The following SKOR2 variants were observed in gnomAD, a reference collection of about 807,000 sequenced individuals.
SKOR2 encodes LBX1 corepressor 1-like protein.
Under a neutral mutation model 69.1 loss-of-function variants are expected in SKOR2, and 47 were observed. The ratio of observed to expected loss-of-function variants is 0.68; its 90% CI spans 0.54 to 0.87. The LOEUF (loss-of-function observed/expected upper bound fraction) is 0.87. SKOR2 is among the 40% of genes least tolerant of loss of function. SKOR2 has a pLI of 0.00. For missense variants in SKOR2, 1,404 were observed against 1,472.2 expected (o/e 0.95, Z 0.76); for synonymous variants, 717 against 672.6 (o/e 1.07, Z -1.02).
intron 4 of SKOR2, among the ~76,000 whole-genome samples, chr18:47,236,938 A>C (rs2064226812): frequency 6.6e-6 from 1 of 152,192 alleles, no homozygotes; most frequent in Admixed American, 6.5e-5. Context: ...AGTGTTTTAC[A>C]ATATTAGTCT....
At chr18:47,237,450 C>G (rs2064228883) in intron 4 of SKOR2, among the ~76,000 whole-genome samples, 1 of 152,130 alleles carries the variant, frequency 6.6e-6, no homozygotes, top group African/African-American at 2.4e-5. Flanking sequence ...GGTCAGGTGA[C>G]CTGTTCCGTT....
chr18:47,221,378 C>G (rs2064160724), intron 6 of SKOR2, among the ~76,000 whole-genome samples: 1 of 152,146 alleles, frequency 6.6e-6, no homozygotes, highest in Non-Finnish European at 1.5e-5. Flanking sequence ...GCTGCTTGAG[C>G]AGACACGTGG....
At position 47,247,200 on chromosome 18, in the gene SKOR2, G is replaced by T. The variant is rs746722236; in HGVS notation, c.1984C>A (p.His662Asn). 3 of 1,393,898 alleles carry T rather than the reference G, an allele frequency of 2.2e-6. No individual in the cohort carries two copies. Among genetic ancestry groups the T allele is most frequent in the Non-Finnish European group, 2.8e-6 (3 of 1,075,096 alleles). 86.3% of individuals were successfully genotyped at this position (1,393,898 alleles called of 1,614,324 possible). The stretch of plus-strand genomic sequence containing the variant: ...GGGGGGTGGTGGTGGTGGTGGTGGT[G>T]GTGAGGGTGGTGATGGTGGTGGGGA... ...THPHHHHHPHHHHHHHHPPQP... is the reference protein window; with the variant it reads ...THPHHHHHPHNHHHHHHPPQP... Residue 662 changes from histidine (H) to asparagine (N), a missense_variant, in exon 2 of 9, where the codon CAC (histidine) becomes AAC (asparagine). Transcript: ENST00000425639. The surrounding 1 kb of genome is among the most constrained non-coding windows in gnomAD (Gnocchi z 6.6).
At chr18:47,230,591 T>G in intron 5 of SKOR2, 34 bp from the exon 6 acceptor site, 2 of 1,271,276 alleles carry the variant, frequency 1.6e-6, no homozygotes, top group Middle Eastern at 5.2e-4. Context: ...TTTACTAATC[T>G]TTACAAATAA....
chr18:47,224,459 G>A (rs2064171942), intron 6 of SKOR2, among the ~76,000 whole-genome samples: 1 of 152,152 alleles, frequency 6.6e-6, no homozygotes, highest in South Asian at 2.1e-4. Context: ...AAAGTATCTA[G>A]CCTACATTCC....
chr18:47,233,399 A>C (rs554723354), intron 4 of SKOR2, among the ~76,000 whole-genome samples: 1 of 152,356 alleles, frequency 6.6e-6, no homozygotes, highest in Admixed American at 6.5e-5. Flanking sequence ...AGTAACATGA[A>C]GGTTGATAAC....
At chr18:47,239,451 A>G (rs925316639) in intron 4 of SKOR2, among the ~76,000 whole-genome samples, 3 of 152,240 alleles carry the variant, frequency 2.0e-5, no homozygotes, top group Admixed American at 2.0e-4. Flanking sequence ...ATTAACTAAT[A>G]CCAGTGGGAT....
Position 47,248,033 on chromosome 18 carries a change from G to A in SKOR2, c.1151C>T (p.Pro384Leu). Residue 384 changes from proline (P) to leucine (L), a missense_variant, in exon 2 of 9, where the codon CCG (proline) becomes CTG (leucine). Around this residue, in one of 3 missense-constraint regions of SKOR2, gnomAD observed 1,266 missense variants for 1,309.9 expected, o/e 0.97. Coordinates refer to ENST00000425639, the MANE Select transcript of SKOR2 (RefSeq NM_001278063.4). The surrounding 1 kb of genome is among the most constrained non-coding windows in gnomAD (Gnocchi z 6.4). ...CCCGAACGAGCCCTTGCTGGGCACC[G>A]GGATGACTGGGTAGCTGCGCGGGCC... ...AKGPRSYPVI[P>L]VPSKGSFGGV... The A allele has an allele frequency of 1.4e-6, 2 of 1,441,028 alleles. No homozygotes were observed. The highest frequency in any genetic ancestry group is 1.4e-5 in the South Asian group (1 of 73,184). 89.3% of individuals were successfully genotyped at this position (1,441,028 alleles called of 1,614,324 possible). A position where few individuals can be genotyped will look rare whatever the true frequency, so the allele number is the denominator to read the frequency against.
chr18:47,232,153 TA>T (rs200082234), intron 4 of SKOR2, among the ~76,000 whole-genome samples: 1,848 of 151,432 alleles, frequency 0.012, 23 homozygotes, highest in Non-Finnish European at 0.019. Flanking sequence ...ATAAATAAAA[TA>T]AAAAGTAAAA....
Position 47,248,995 on chromosome 18 carries a change from G to A in SKOR2, c.189C>T (p.Cys63=), listed in dbSNP as rs1307586114. The change falls in exon 2 of 9, where the codon TGC becomes TGT. Residue 63 remains cysteine, a synonymous_variant. Coordinates refer to ENST00000425639, the MANE Select transcript of SKOR2 (RefSeq NM_001278063.4). This position sits in a 1 kb window ranked among gnomAD's most constrained non-coding sequence, Gnocchi z 6.4. ...SLVIDGQERL[C]LAQISNTLLK... is the part of the protein sequence containing the mutation. ...GCAGAGTGTTGGAGATCTGCGCCAG[G>A]CACAGGCGCTCTTGCCCGTCGATCA... is the stretch of plus-strand genomic sequence containing the variant. 1.9e-6 allele frequency: 3 copies of A among 1,559,272 alleles called. No individual in the cohort carries two copies. The highest frequency in any genetic ancestry group is 1.4e-5 in the African/African-American group (1 of 74,046).
intron 7 of SKOR2, among the ~76,000 whole-genome samples, chr18:47,213,997 C>T (rs2064135996): frequency 6.6e-6 from 1 of 152,140 alleles, no homozygotes; most frequent in African/African-American, 2.4e-5. Flanking sequence ...TTTAGGATAA[C>T]AAACAATGTA....
At chr18:47,246,511 G>A (rs1442172996) in intron 2 of SKOR2, 60 bp downstream of exon 2, 3 of 1,440,082 alleles carry the variant, frequency 2.1e-6, no homozygotes, top group South Asian at 2.9e-5. Flanking sequence ...AACCGATTCA[G>A]CCTAAAGGTG....
intron 7 of SKOR2, among the ~76,000 whole-genome samples, chr18:47,218,545 G>T (rs2064151119): frequency 7.6e-6 from 1 of 131,296 alleles, no homozygotes; most frequent in Non-Finnish European, 1.5e-5. Flanking sequence ...AGCTATGATT[G>T]TACCACTGCA....
At position 47,247,867 on chromosome 18, in the gene SKOR2, T is replaced by TGCGCCCGCGCCCCCC. The variant is rs1555659963; in HGVS notation, c.1302_1316dup (p.Gly440_Ala444dup). The TGCGCCCGCGCCCCCC allele has an allele frequency of 6.2e-5, 84 of 1,356,890 alleles. No individual in the cohort carries two copies. The highest frequency in any genetic ancestry group is 7.4e-5 in the Non-Finnish European group (79 of 1,065,116). 84.1% of individuals were successfully genotyped at this position (1,356,890 alleles called of 1,614,324 possible). A position where few individuals can be genotyped will look rare whatever the true frequency, so the allele number is the denominator to read the frequency against. On this transcript the variant is annotated inframe_insertion, in exon 2 of 9. Transcript: ENST00000425639. This position sits in a 1 kb window ranked among gnomAD's most constrained non-coding sequence, Gnocchi z 6.6. ...CCTTGGGCGCCGCGCCCGCGCCGCC[T>TGCGCCCGCGCCCCCC]GCGCCCGCGCCCCCCAGGGCCTCAG...
At chr18:47,250,187 G>T (rs1005999849) in intron 1 of SKOR2, among the ~76,000 whole-genome samples, 42 of 152,078 alleles carry the variant, frequency 2.8e-4, no homozygotes, top group Non-Finnish European at 2.9e-5. Context: ...AATTTATTTT[G>T]ATATCTCTAT....
intron 4 of SKOR2, among the ~76,000 whole-genome samples, chr18:47,239,776 C>T (rs2064240941): frequency 6.6e-6 from 1 of 151,938 alleles, no homozygotes; most frequent in African/African-American, 2.4e-5. Context: ...ATTTTGAATC[C>T]ATGTATTGAA....
chr18:47,238,767 CTG>C (rs2144505612), intron 4 of SKOR2, among the ~76,000 whole-genome samples: 1 of 152,336 alleles, frequency 6.6e-6, no homozygotes, highest in Non-Finnish European at 1.5e-5. Context: ...CATGTGCTAG[CTG>C]TGTCTGTGTT....
In SKOR2 at chr18:47,249,093, G is replaced by C; in HGVS notation, c.91C>G (p.Pro31Ala). Residue 31 changes from proline to alanine, a missense_variant, in exon 2 of 9, where the codon CCA becomes GCA. Physicochemically the swap from Pro to Ala is conservative, Grantham distance 27. Around this residue, in one of 3 missense-constraint regions of SKOR2, gnomAD observed 104 missense variants for 95.7 expected, o/e 1.09. Coordinates refer to ENST00000425639, the MANE Select transcript of SKOR2 (RefSeq NM_001278063.4). ...FQPDTLSQPR[P>A]GHANLKPNQV... ...TTGGGTTTGAGGTTGGCGTGCCCTG[G>C]CCGCGGCTGGCTCAGCGTGTCGGGC... 1.3e-6 allele frequency: 2 copies of C among 1,536,288 alleles called. No homozygotes were observed. The highest frequency in any genetic ancestry group is 1.7e-6 in the Non-Finnish European group (2 of 1,146,914).
chr18:47,237,624 CA>C (rs1286779043), intron 4 of SKOR2, among the ~76,000 whole-genome samples: 1 of 151,618 alleles, frequency 6.6e-6, no homozygotes, highest in African/African-American at 2.4e-5. Flanking sequence ...GAATAAAGAT[CA>C]AAAAATGTGG....
Sources: allele counts gnomAD v4.1 joint callset (sites outside exome capture counted in the v4.1 genomes callset), GRCh38; gene constraint gnomAD v4.1.1; regional missense constraint gnomAD v4.1.1; non-coding constraint Gnocchi (gnomAD v3.1); transcripts MANE v1.5; gene names NCBI Gene and HGNC (gene_info 2026-07-23, HGNC 2026-07-21).